AP3S1: variants seen among roughly 807,000 people sequenced by gnomAD.
The protein encoded by AP3S1 is AP-3 complex subunit sigma-1.
In AP3S1, 12 loss-of-function variants were observed where a neutral mutation model predicts 21.3. The observed-to-expected ratio is 0.56, with a 90% CI of 0.36 to 0.91. AP3S1 has a LOEUF of 0.91. AP3S1 is among the 40% of genes least tolerant of loss of function. AP3S1 has a pLI of 0.01. For synonymous variants in AP3S1, 48 were observed against 78.4 expected (o/e 0.61, Z 2.05); for missense variants, 116 against 225.0 (o/e 0.52, Z 3.10).
intron 4 of AP3S1, among the ~76,000 whole-genome samples, chr5:115,900,688 C>G (rs1751137017): frequency 6.6e-6 from 1 of 152,178 alleles, no homozygotes; most frequent in Admixed American, 6.5e-5. Flanking sequence ...CCAAGGAACC[C>G]TGGCTTCCTT....
chr5:115,878,499 A>G (rs898012008), intron 3 of AP3S1, among the ~76,000 whole-genome samples: 2 of 152,112 alleles, frequency 1.3e-5, no homozygotes, highest in African/African-American at 2.4e-5. Context: ...CAAAGGTCAG[A>G]TGGTTGTAGA....
In AP3S1 at chr5:115,870,565, T is replaced by C. The variant is rs75249068; in HGVS notation, c.273+437T>C. Among the ~76,000 whole-genome samples the C allele has an allele frequency of 2.5e-3, 377 of 152,354 alleles. 1 individual carries two copies. The highest frequency in any genetic ancestry group is 8.3e-3 in the African/African-American group (344 of 41,588). On this transcript the variant is annotated intron_variant, in intron 3 of 5. Transcript: ENST00000316788. Reference sequence around the variant, plus strand: ...AAATTAAATCTTGCTTCCCTGATGATACTACGTGCAACCCTTTGAAGTAGT... The same window carrying C: ...AAATTAAATCTTGCTTCCCTGATGACACTACGTGCAACCCTTTGAAGTAGT...
At chr5:115,878,512 T>C (rs994920307) in intron 3 of AP3S1, among the ~76,000 whole-genome samples, 3 of 152,230 alleles carry the variant, frequency 2.0e-5, no homozygotes, top group African/African-American at 7.2e-5. Flanking sequence ...GTTGTAGATG[T>C]GTGGCATTAT....
At chr5:115,907,025 C>T (rs1751707698) in intron 5 of AP3S1, 4 of 970,082 alleles carry the variant, frequency 4.1e-6, no homozygotes, top group Non-Finnish European at 4.9e-6. Context: ...GTTTCTTCAT[C>T]TTTTATTGGA....
At chr5:115,866,607 A>G in intron 1 of AP3S1, 63 bp from the exon 2 acceptor site, 4 of 1,148,970 alleles carry the variant, frequency 3.5e-6, no homozygotes, top group Non-Finnish European at 4.8e-6. Context: ...GATTTTAAAA[A>G]TTCTTAAAAT....
intron 3 of AP3S1, among the ~76,000 whole-genome samples, chr5:115,891,124 AATAG>A (rs1750261961): frequency 6.6e-6 from 1 of 152,196 alleles, no homozygotes; most frequent in Admixed American, 6.5e-5. Flanking sequence ...CTTGAGGAGA[AATAG>A]ATAAAGTTGG....
intron 1 of AP3S1, among the ~76,000 whole-genome samples, chr5:115,855,545 G>A (rs978318320): frequency 3.9e-5 from 6 of 152,032 alleles, no homozygotes; most frequent in Non-Finnish European, 7.4e-5. Flanking sequence ...TCACCATGTT[G>A]CCCAGGCTTG....
intron 5 of AP3S1, among the ~76,000 whole-genome samples, chr5:115,909,440 T>C (rs1455680767): frequency 6.6e-6 from 1 of 152,234 alleles, no homozygotes; most frequent in Non-Finnish European, 1.5e-5. Context: ...GCAGACTTCA[T>C]TTTGTTTTCT....
intron 1 of AP3S1, among the ~76,000 whole-genome samples, chr5:115,863,553 A>C (rs1269891875): frequency 1.3e-5 from 2 of 152,182 alleles, no homozygotes. Context: ...CCTGGGCAAC[A>C]GAGGGAGACT....
chr5:115,908,821 A>T (rs1429411457), intron 5 of AP3S1, among the ~76,000 whole-genome samples: 1 of 152,112 alleles, frequency 6.6e-6, no homozygotes, highest in African/African-American at 2.4e-5. Context: ...ATTAAAAGTT[A>T]TTCTACCTCG....
chr5:115,912,547 G>A (rs1752188966), intron 5 of AP3S1, among the ~76,000 whole-genome samples: 2 of 151,860 alleles, frequency 1.3e-5, no homozygotes, highest in Non-Finnish European at 2.9e-5. Context: ...ATGCACTAGT[G>A]GTACTTACTG....
intron 3 of AP3S1, among the ~76,000 whole-genome samples, chr5:115,885,683 A>G (rs998510783): frequency 1.3e-5 from 2 of 152,200 alleles, no homozygotes; most frequent in African/African-American, 4.8e-5. Context: ...ACACCCAGAA[A>G]CAATACTTTA....
intron 1 of AP3S1, among the ~76,000 whole-genome samples, chr5:115,853,547 G>T (rs1762594660): frequency 6.6e-6 from 1 of 152,040 alleles, no homozygotes; most frequent in African/African-American, 2.4e-5. Flanking sequence ...CTACTCCAAG[G>T]TCAAAATCTT....
At chr5:115,860,500 G>A (rs1763094921) in intron 1 of AP3S1, among the ~76,000 whole-genome samples, 1 of 152,138 alleles carries the variant, frequency 6.6e-6, no homozygotes, top group African/African-American at 2.4e-5. Context: ...TGGGAATTTA[G>A]TGATCCTTCT....
At chr5:115,891,253 A>G (rs1475115403) in intron 3 of AP3S1, among the ~76,000 whole-genome samples, 2 of 152,084 alleles carry the variant, frequency 1.3e-5, no homozygotes, top group Non-Finnish European at 2.9e-5. Flanking sequence ...TTTTGCCTCT[A>G]CTTCCACAGT....
At chr5:115,881,862 A>G (rs1429500810) in intron 3 of AP3S1, among the ~76,000 whole-genome samples, 1 of 151,926 alleles carries the variant, frequency 6.6e-6, no homozygotes, top group Non-Finnish European at 1.5e-5. Flanking sequence ...TGGTCTTTTC[A>G]TGTAGTGTCA....
At chr5:115,892,038 A>G (rs1391622846) in intron 3 of AP3S1, among the ~76,000 whole-genome samples, 1 of 152,244 alleles carries the variant, frequency 6.6e-6, no homozygotes, top group African/African-American at 2.4e-5. Flanking sequence ...AAGACATACA[A>G]ATGCCAAACA....
chr5:115,879,938 G>C (rs1580689102), intron 3 of AP3S1, among the ~76,000 whole-genome samples: 1 of 152,000 alleles, frequency 6.6e-6, no homozygotes, highest in Non-Finnish European at 1.5e-5. Flanking sequence ...GTCTTGGGAG[G>C]GTGTATGTGT....
At chr5:115,877,113 ATGG>A (rs1748790737) in intron 3 of AP3S1, among the ~76,000 whole-genome samples, 1 of 152,160 alleles carries the variant, frequency 6.6e-6, no homozygotes, top group African/African-American at 2.4e-5. Context: ...TGTTTACCAA[ATGG>A]TGGGGTTTTT....
Sources: allele counts gnomAD v4.1 joint callset (sites outside exome capture counted in the v4.1 genomes callset), GRCh38; gene constraint gnomAD v4.1.1; transcripts MANE v1.5; gene names NCBI Gene and HGNC (gene_info 2026-07-23, HGNC 2026-07-21).